PARP6: variants seen among roughly 807,000 people sequenced by gnomAD.
The protein encoded by PARP6 is poly(ADP-ribose) polymerase family member 6.
Under a neutral mutation model 92.0 loss-of-function variants are expected in PARP6, and 27 were observed. The ratio of observed to expected loss-of-function variants is 0.29; its 90% CI spans 0.22 to 0.40. The LOEUF is 0.40. Ranked by LOEUF, PARP6 falls within the 10% of genes least tolerant of loss-of-function variation. PARP6 has a pLI of 1.00. For synonymous variants in PARP6, 272 were observed against 281.2 expected, an observed-to-expected ratio of 0.97 and a Z score of 0.33; for missense variants, 501 against 784.5, an observed-to-expected ratio of 0.64 and a Z score of 4.32.
At chr15:72,251,537 G>C (rs545245161) in intron 16 of PARP6, among the ~76,000 whole-genome samples, 1 of 151,606 alleles carries the variant, frequency 6.6e-6, no homozygotes, top group Non-Finnish European at 1.5e-5. Context: ...GCTGCTACAA[G>C]TAGGGAGTAA....
At chr15:72,249,826 C>T (rs78998950) in intron 19 of PARP6, among the ~76,000 whole-genome samples, 194 bp downstream of exon 19, 281 of 152,308 alleles carry the variant, frequency 1.8e-3, no homozygotes, top group African/African-American at 6.2e-3. Context: ...ACCAAAAAAA[C>T]GCAGACTGAG....
At chr15:72,261,298 G>C (rs2085852341) in intron 9 of PARP6, among the ~76,000 whole-genome samples, 1 of 152,222 alleles carries the variant, frequency 6.6e-6, no homozygotes, top group South Asian at 2.1e-4. Context: ...AGAACAGAAA[G>C]ATGGAAGATT....
intron 10 of PARP6, 107 bp from the exon 11 acceptor site, chr15:72,259,768 T>A: frequency 2.2e-6 from 2 of 908,840 alleles, no homozygotes; most frequent in African/African-American, 3.3e-5. Context: ...AGCTAAACCC[T>A]AGCTCAGAAT....
chr15:72,247,655 T>C (rs998009380), intron 20 of PARP6, among the ~76,000 whole-genome samples: 1 of 152,238 alleles, frequency 6.6e-6, no homozygotes, highest in Non-Finnish European at 1.5e-5. Flanking sequence ...TTTTACACAA[T>C]TTCTATTTCT....
intron 6 of PARP6, 90 bp from the exon 7 acceptor site, chr15:72,265,261 A>T: frequency 9.7e-7 from 1 of 1,032,252 alleles, no homozygotes; most frequent in East Asian, 2.4e-5. Context: ...TGCACATGAC[A>T]GTACACACCA....
Position 72,242,194 on chromosome 15 carries a change from C to T in PARP6, c.1668G>A (p.Leu556=), listed in dbSNP as rs190535304. Residue 556 remains leucine, a synonymous_variant, in exon 22 of 24, where the codon CTG becomes CTA. Transcript: ENST00000569795. The surrounding 1 kb of genome is among the most constrained non-coding windows in gnomAD (Gnocchi z 4.3). ...PQTRSIQSRF[L]QSRNLNCIAL... The stretch of plus-strand genomic sequence containing the variant: ...CTATACAGTTTAGATTCCGACTCTG[C>T]AGGAACCGTGACTGAATGGATCGGG... The T allele has an allele frequency of 3.7e-6, 6 of 1,614,084 alleles. No individual in the cohort carries two copies. The African/African-American group carries it at 8.0e-5, about 22-fold the overall frequency.
intron 16 of PARP6, 109 bp downstream of exon 16, chr15:72,253,328 T>C (rs959873937): frequency 2.4e-6 from 2 of 818,396 alleles, no homozygotes; most frequent in African/African-American, 1.7e-5. Flanking sequence ...TTACTGCCTA[T>C]AACCTTGGGA....
At position 72,241,616 on chromosome 15, in the gene PARP6, A is replaced by G. The variant is rs1341307412; in HGVS notation, c.1791-59T>C. The G allele has an allele frequency of 4.7e-6, 6 of 1,288,902 alleles. No homozygotes were observed. Among genetic ancestry groups the G allele is most frequent in the African/African-American group, 4.4e-5 (3 of 68,686 alleles). 79.8% of individuals were successfully genotyped at this position (1,288,902 alleles called of 1,614,324 possible). ...GGAGAACAATACCAGAATAACATCAATCAGTGGAACTGTATTTCAAGGTAT... is the reference window on the plus strand; with the variant it reads ...GGAGAACAATACCAGAATAACATCAGTCAGTGGAACTGTATTTCAAGGTAT... On this transcript the variant is annotated intron_variant, in intron 23 of 23. Coordinates refer to ENST00000569795, the MANE Select transcript of PARP6 (RefSeq NM_001323532.2). This position sits in a 1 kb window ranked among gnomAD's most constrained non-coding sequence, Gnocchi z 4.1.
intron 8 of PARP6, among the ~76,000 whole-genome samples, chr15:72,262,963 A>G (rs376696832): frequency 6.6e-6 from 1 of 152,192 alleles, no homozygotes; most frequent in Non-Finnish European, 1.5e-5. Flanking sequence ...CTTCCCACAC[A>G]CATTGATGCA....
At chr15:72,259,527 T>G in intron 11 of PARP6, 81 bp downstream of exon 11, 1 of 1,070,012 alleles carries the variant, frequency 9.3e-7, no homozygotes, top group South Asian at 1.3e-5. Context: ...AGTATTTGAT[T>G]GAGGAGCTGG....
At chr15:72,269,717 T>C (rs569778136) in intron 2 of PARP6, among the ~76,000 whole-genome samples, 134 of 151,868 alleles carry the variant, frequency 8.8e-4, no homozygotes, top group African/African-American at 3.1e-3. Flanking sequence ...ATGGCCAACA[T>C]GGTGAAACTC....
At chr15:72,253,722 A>C (rs2084677240) in intron 15 of PARP6, 1 of 676,088 alleles carries the variant, frequency 1.5e-6, no homozygotes, top group Non-Finnish European at 2.7e-6. Context: ...ACAAAACAAC[A>C]TGCAGGTGGG....
At chr15:72,247,744 G>A (rs2083796292) in intron 20 of PARP6, among the ~76,000 whole-genome samples, 2 of 151,882 alleles carry the variant, frequency 1.3e-5, no homozygotes, top group African/African-American at 4.8e-5. Flanking sequence ...TTTTATCAAA[G>A]TTTTTAAATT....
At chr15:72,243,981 T>A (rs1027563919) in intron 20 of PARP6, 2 of 152,218 alleles carry the variant, frequency 1.3e-5, no homozygotes, top group Non-Finnish European at 2.9e-5. Context: ...TCATCATGCA[T>A]TTACACTCAA....
intron 15 of PARP6, 41 bp from the exon 16 acceptor site, chr15:72,253,545 G>A: frequency 6.6e-7 from 1 of 1,525,988 alleles, no homozygotes; most frequent in African/African-American, 1.4e-5. Context: ...TTGGAGAGGT[G>A]GGAGCCTACC....
chr15:72,267,068 T>C, intron 3 of PARP6: 1 of 525,942 alleles, frequency 1.9e-6, no homozygotes, highest in Non-Finnish European at 3.4e-6. Flanking sequence ...TTTGGCCTTC[T>C]GAAGTCTCAG....
Position 72,257,366 on chromosome 15 carries a change from C to A in PARP6, c.981G>T (p.Glu327Asp). ...TLGVMSGAAE[E>D]VATGAEVVDL... ...CCCATACCTCTGCTCCAGTGGCCAC[C>A]TCCTCTGCAGCTCCAGACATGACGC... Residue 327 changes from glutamate to aspartate, a missense_variant, in exon 13 of 24, where the codon GAG becomes GAT. Around this residue, in one of 4 missense-constraint regions of PARP6, gnomAD observed 191 missense variants for 399.1 expected, o/e 0.48. Transcript: ENST00000569795. 1 of 1,613,854 alleles carries A rather than the reference C, an allele frequency of 6.2e-7. No homozygotes were observed. Among genetic ancestry groups the A allele is most frequent in the Non-Finnish European group, 8.5e-7 (1 of 1,179,748 alleles).
chr15:72,242,947 C>G lies in PARP6; in HGVS notation c.1562-248G>C, dbSNP rs1320405644. On this transcript the variant is annotated intron_variant, in intron 20 of 23. Transcript: ENST00000569795. The surrounding 1 kb of genome is among the most constrained non-coding windows in gnomAD (Gnocchi z 4.3). ...CCTAGAGGAGGGCAACTAGCCTAGC[C>G]TAAGAGTTTAAAGAAGTCATGTGGT... is the stretch of plus-strand genomic sequence containing the variant. 8.6e-6 allele frequency: 4 copies of G among 465,038 alleles called. No individual in the cohort carries two copies. In the East Asian group the frequency reaches 1.4e-4, roughly 17 times the overall value. 28.8% of individuals were successfully genotyped at this position (465,038 alleles called of 1,614,324 possible). A position where few individuals can be genotyped will look rare whatever the true frequency, so the allele number is the denominator to read the frequency against.
chr15:72,246,488 CCAAT>C (rs772827571), intron 20 of PARP6, among the ~76,000 whole-genome samples: 8 of 152,090 alleles, frequency 5.3e-5, no homozygotes, highest in Non-Finnish European at 1.2e-4. Context: ...ACCCAGAGAC[CCAAT>C]CAAAGAACTA....
Sources: allele counts gnomAD v4.1 joint callset (sites outside exome capture counted in the v4.1 genomes callset), GRCh38; gene constraint gnomAD v4.1.1; regional missense constraint gnomAD v4.1.1; non-coding constraint Gnocchi (gnomAD v3.1); transcripts MANE v1.5; gene names NCBI Gene and HGNC (gene_info 2026-07-23, HGNC 2026-07-21).